Variants in ARAP2 observed in about 807,000 individuals in gnomAD.
The protein encoded by ARAP2 is ArfGAP with RhoGAP domain, ankyrin repeat and PH domain 2.
ARAP2 carries 148 observed loss-of-function variants against 194.5 expected under a neutral mutation model. The observed-to-expected ratio is 0.76, with a 90% CI of 0.67 to 0.87. The LOEUF (loss-of-function observed/expected upper bound fraction) is 0.87, where lower values mean the gene tolerates loss of function less well. Among genes scored for constraint, ARAP2 ranks in the 40% least tolerant of loss-of-function variants. ARAP2 has a pLI of 0.00. For synonymous variants in ARAP2, 695 were observed against 683.5 expected, an observed-to-expected ratio of 1.02 and a Z score of -0.26; for missense variants, 2,128 against 1,989.7, an observed-to-expected ratio of 1.07 and a Z score of -1.32.
intron 6 of ARAP2, among the ~76,000 whole-genome samples, chr4:36,016,948 G>A (rs542386810): frequency 9.9e-5 from 15 of 151,820 alleles, no homozygotes; most frequent in African/African-American, 1.9e-4. Context: ...TTCTATTCTC[G>A]TAAGTCTGAC....
At chr4:36,124,834 G>C (rs772873483) in intron 22 of ARAP2, 28 bp downstream of exon 22, 3 of 1,396,146 alleles carry the variant, frequency 2.1e-6, no homozygotes, top group Non-Finnish European at 2.0e-6. Context: ...TGTTTGAAAT[G>C]TCGAGAAAAG....
chr4:36,028,260 T>G (rs930980359), intron 5 of ARAP2, among the ~76,000 whole-genome samples: 75 of 152,276 alleles, frequency 4.9e-4, no homozygotes, highest in African/African-American at 1.6e-3. Flanking sequence ...TGTAGCGTTA[T>G]AATTATGATT....
intron 3 of ARAP2, among the ~76,000 whole-genome samples, chr4:36,048,719 A>C (rs573286086): frequency 6.6e-6 from 1 of 152,232 alleles, no homozygotes; most frequent in Non-Finnish European, 1.5e-5. Flanking sequence ...CTCTGGGTAT[A>C]TAGCCAGCAA....
intron 5 of ARAP2, among the ~76,000 whole-genome samples, chr4:36,041,354 T>TAAA (rs1197207264): frequency 1.3e-5 from 2 of 151,742 alleles, no homozygotes; most frequent in African/African-American, 4.8e-5. Flanking sequence ...ACAAGCCCAT[T>TAAA]AAAAAGAGGG....
At chr4:36,042,467 G>A (rs1027960961) in intron 5 of ARAP2, among the ~76,000 whole-genome samples, 2 of 152,134 alleles carry the variant, frequency 1.3e-5, no homozygotes, top group African/African-American at 4.8e-5. Flanking sequence ...AACCTTATGG[G>A]ACTTAACACA....
chr4:36,228,906 T>C lies in ARAP2; in HGVS notation c.581A>G (p.Gln194Arg). The change falls in exon 2 of 33, where the codon CAA becomes CGA. Residue 194 changes from glutamine to arginine, a missense_variant. Gln to Arg is a conservative substitution (Grantham distance 43, BLOSUM62 1). Transcript: ENST00000303965. ...GATCAATTTAACTTTTTCTGTTTGT[T>C]GTTCTTCAACTGTGTGATCCACAGT... The part of the protein sequence containing the change: ...KKTVDHTVEE[Q>R]QTEKVKLITE... The C allele has an allele frequency of 6.2e-7, 1 of 1,614,028 alleles. No individual in the cohort carries two copies. The highest frequency in any genetic ancestry group is 8.5e-7 in the Non-Finnish European group (1 of 1,179,962).
intron 19 of ARAP2, among the ~76,000 whole-genome samples, chr4:36,145,639 T>C (rs899992426): frequency 6.6e-6 from 1 of 151,940 alleles, no homozygotes; most frequent in Non-Finnish European, 1.5e-5. Context: ...AATATATCCA[T>C]GCAACAAACC....
At chr4:36,128,385 T>A in intron 21 of ARAP2, 148 bp downstream of exon 21, 3 of 595,652 alleles carry the variant, frequency 5.0e-6, no homozygotes, top group Non-Finnish European at 8.8e-6. Context: ...TCAGCCATTA[T>A]GTACATTGTT....
At chr4:36,178,085 C>A in intron 8 of ARAP2, 80 bp from the exon 9 acceptor site, 1 of 1,238,860 alleles carries the variant, frequency 8.1e-7, no homozygotes, top group Non-Finnish European at 1.1e-6. Flanking sequence ...GAAATCCATG[C>A]CCTTTGCAAC....
chr4:36,215,291 T>A (rs1747681633), intron 2 of ARAP2, among the ~76,000 whole-genome samples: 4 of 152,194 alleles, frequency 2.6e-5, no homozygotes, highest in African/African-American at 9.7e-5. Context: ...GTCCCACACA[T>A]CTTTGGTCCA....
At chr4:36,224,667 C>A (rs1280433214) in intron 2 of ARAP2, among the ~76,000 whole-genome samples, 5 of 151,970 alleles carry the variant, frequency 3.3e-5, no homozygotes, top group Non-Finnish European at 5.9e-5. Flanking sequence ...CAGATAGATA[C>A]CCTCACCTTC....
At chr4:36,210,321 G>A in intron 6 of ARAP2, 69 bp downstream of exon 6, 2 of 1,405,042 alleles carry the variant, frequency 1.4e-6, no homozygotes, top group Non-Finnish European at 1.9e-6. Flanking sequence ...CAACCCTGGA[G>A]GTTTAGAAAT....
At chr4:36,075,428 T>C (rs907170770) in intron 31 of ARAP2, among the ~76,000 whole-genome samples, 12 of 152,274 alleles carry the variant, frequency 7.9e-5, no homozygotes, top group Non-Finnish European at 1.3e-4. Flanking sequence ...ACGGATCATA[T>C]AGGTGAGGAT....
At chr4:36,151,575 G>A (rs1045980207) in intron 15 of ARAP2, among the ~76,000 whole-genome samples, 3 of 151,944 alleles carry the variant, frequency 2.0e-5, no homozygotes, top group African/African-American at 7.3e-5. Flanking sequence ...GACTACTAAG[G>A]TCTATATATT....
At chr4:36,100,740 T>C (rs1716657439) in intron 27 of ARAP2, among the ~76,000 whole-genome samples, 1 of 151,804 alleles carries the variant, frequency 6.6e-6, no homozygotes, top group Non-Finnish European at 1.5e-5. Context: ...TGAAAGTATG[T>C]TACTTCTTTC....
At chr4:36,034,420 G>C (rs568563914) in intron 5 of ARAP2, among the ~76,000 whole-genome samples, 1 of 152,150 alleles carries the variant, frequency 6.6e-6, no homozygotes, top group African/African-American at 2.4e-5. Context: ...GAATGGGATT[G>C]CCTTCCTGAT....
chr4:36,107,255 T>G (rs1718647403), intron 27 of ARAP2, among the ~76,000 whole-genome samples: 1 of 151,984 alleles, frequency 6.6e-6, no homozygotes, highest in Non-Finnish European at 1.5e-5. Context: ...CAGAGATGAC[T>G]TGCCCTCAGT....
chr4:36,240,041 T>C (rs1192576388), intron 1 of ARAP2, among the ~76,000 whole-genome samples: 2 of 152,210 alleles, frequency 1.3e-5, no homozygotes, highest in Non-Finnish European at 2.9e-5. Flanking sequence ...ACTTTTTAAC[T>C]ATGTAACTTA....
chr4:36,223,718 GCT>G (rs34904494), intron 2 of ARAP2, among the ~76,000 whole-genome samples: 55,799 of 148,228 alleles, frequency 0.38, 10,438 homozygotes, highest in Middle Eastern at 0.44. Flanking sequence ...ACCAGAGATG[GCT>G]CTCTCTCTCT....
Sources: gnomAD v4.1 joint callset for allele counts (sites outside exome capture counted in the v4.1 genomes callset) on GRCh38, gnomAD v4.1.1 for gene constraint, MANE v1.5 for transcripts, NCBI Gene and HGNC (gene_info 2026-07-23, HGNC 2026-07-21) for gene names.